Variants in BIRC6 observed in about 807,000 individuals in gnomAD.
BIRC6 encodes the protein dual E2 ubiquitin-conjugating enzyme/E3 ubiquitin-protein ligase BIRC6.
BIRC6 carries 98 observed loss-of-function variants against 503.3 expected under a neutral mutation model. The observed-to-expected ratio is 0.19, with a 90% CI of 0.17 to 0.23. The LOEUF is 0.23. Among genes scored for constraint, BIRC6 ranks in the 10% least tolerant of loss-of-function variants. BIRC6 has a pLI of 1.00. For synonymous variants in BIRC6, 2,240 were observed against 2,078.7 expected (o/e 1.08, Z -2.11); for missense variants, 5,360 against 5,806.0 (o/e 0.92, Z 2.50).
intron 53 of BIRC6, among the ~76,000 whole-genome samples, chr2:32,512,047 C>G (rs1270738296): frequency 6.6e-6 from 1 of 152,016 alleles, no homozygotes; most frequent in Non-Finnish European, 1.5e-5. Flanking sequence ...AAGCTTAATT[C>G]ATTTTCTCTG....
At chr2:32,603,799 TATC>T (rs1479108473) in intron 71 of BIRC6, among the ~76,000 whole-genome samples, 1 of 151,898 alleles carries the variant, frequency 6.6e-6, no homozygotes, top group Non-Finnish European at 1.5e-5. Context: ...ACTCTGAAAA[TATC>T]AACAAATTGA....
rs138985008 is a variant in BIRC6, at chr2:32,364,989, T to G, written c.325+7503T>G. On this transcript the variant is annotated intron_variant, in intron 1 of 73. Transcript: ENST00000421745. ...CTACTCTCAACTATTCTTTGAGAGATAAACATGATATAGAATTCGGATCTC... is the reference window on the plus strand; with the variant it reads ...CTACTCTCAACTATTCTTTGAGAGAGAAACATGATATAGAATTCGGATCTC... Among the ~76,000 whole-genome samples the G allele has an allele frequency of 7.4e-3, 1,128 of 152,350 alleles. 8 individuals carry two copies. Among genetic ancestry groups the G allele is most frequent in the Admixed American group, 0.013 (203 of 15,288 alleles).
intron 9 of BIRC6, among the ~76,000 whole-genome samples, chr2:32,411,043 AT>A (rs908781680): frequency 7.0e-6 from 1 of 141,872 alleles, no homozygotes; most frequent in Non-Finnish European, 1.5e-5. Flanking sequence ...CCTTGAGTTC[AT>A]TTTTTTTCTT....
intron 45 of BIRC6, among the ~76,000 whole-genome samples, chr2:32,498,698 A>ATGCT (rs1209176946): frequency 2.6e-5 from 4 of 151,880 alleles, no homozygotes; most frequent in Non-Finnish European, 5.9e-5. Flanking sequence ...TGCAATTCTC[A>ATGCT]TGCTTCAGCC....
intron 39 of BIRC6, 65 bp downstream of exon 39, chr2:32,482,647 C>T (rs1315759910): frequency 6.4e-7 from 1 of 1,558,912 alleles, no homozygotes; most frequent in Non-Finnish European, 8.7e-7. Context: ...TTTATGTATA[C>T]TTTGTCCCTT....
chr2:32,598,484 A>G (rs1488973147), intron 69 of BIRC6, among the ~76,000 whole-genome samples: 1 of 152,058 alleles, frequency 6.6e-6, no homozygotes, highest in Non-Finnish European at 1.5e-5. Context: ...TTTTTTTTAA[A>G]TTCCTAACAT....
At chr2:32,429,089 T>A in intron 10 of BIRC6, 57 bp from the exon 11 acceptor site, 2 of 1,403,458 alleles carry the variant, frequency 1.4e-6, no homozygotes, top group Non-Finnish European at 1.9e-6. Flanking sequence ...GTATTACATT[T>A]GAATATTTGA....
At chr2:32,513,198 T>A in intron 54 of BIRC6, 44 bp downstream of exon 54, 1 of 1,446,536 alleles carries the variant, frequency 6.9e-7, no homozygotes, top group African/African-American at 1.4e-5. Context: ...CAGTACTAGA[T>A]CAGTTAGTGT....
At chr2:32,443,838 A>G (rs976798555) in intron 20 of BIRC6, among the ~76,000 whole-genome samples, 5 of 152,202 alleles carry the variant, frequency 3.3e-5, no homozygotes, top group African/African-American at 9.7e-5. Context: ...ATTTTTCTGT[A>G]CTTCATTACA....
At chr2:32,560,084 A>C (rs2059060700) in intron 65 of BIRC6, among the ~76,000 whole-genome samples, 1 of 152,358 alleles carries the variant, frequency 6.6e-6, no homozygotes, top group Admixed American at 6.5e-5. Context: ...AGACATAGGC[A>C]TAGATTGTCA....
intron 61 of BIRC6, among the ~76,000 whole-genome samples, chr2:32,536,794 T>A (rs540698686): frequency 1.5e-4 from 23 of 152,242 alleles, no homozygotes; most frequent in African/African-American, 5.3e-4. Context: ...TGCGGGCTCT[T>A]TTTTGGTTCC....
At chr2:32,441,234 C>T in intron 16 of BIRC6, 95 bp from the exon 17 acceptor site, 1 of 920,078 alleles carries the variant, frequency 1.1e-6, no homozygotes, top group Non-Finnish European at 1.6e-6. Context: ...TTGATGGCCA[C>T]AATTCAGTTA....
intron 15 of BIRC6, among the ~76,000 whole-genome samples, chr2:32,438,435 A>C (rs939620190): frequency 6.6e-6 from 1 of 152,176 alleles, no homozygotes; most frequent in African/African-American, 2.4e-5. Context: ...CAATAGACTG[A>C]TAGTTTGCTG....
Position 32,439,502 on chromosome 2 carries a change from C to G in BIRC6, c.3632-6C>G, listed in dbSNP as rs1282151602. On this transcript the variant is annotated splice_polypyrimidine_tract_variant and splice_region_variant and intron_variant, in intron 15 of 73. Transcript: ENST00000421745. ...TTATTTTCCCCATTCTACTCCACTT[C>G]TCTAGGTATGGCAGGAGGAAAATAT... 9 of 1,611,528 alleles carry G rather than the reference C, an allele frequency of 5.6e-6. No homozygotes were observed. Among genetic ancestry groups the G allele is most frequent in the Non-Finnish European group, 7.6e-6 (9 of 1,178,552 alleles).
At position 32,468,579 on chromosome 2, in the gene BIRC6, C is replaced by G. The variant is rs1394551558; in HGVS notation, c.5923C>G (p.Gln1975Glu). ...AGACAGTAGGGTTTTTTCTGCTTAT[C>G]AAGATTGTATTCAGCTACAGCTTCA... ...EEDSRVFSAY[Q>E]DCIQLQLQLN... Residue 1975 changes from glutamine (Q) to glutamate (E), a missense_variant, in exon 29 of 74, where the codon CAA (glutamine) becomes GAA (glutamate). Around this residue, in one of 16 missense-constraint regions of BIRC6, gnomAD observed 2,299 missense variants for 2,267.2 expected, o/e 1.01. Coordinates refer to ENST00000421745, the MANE Select transcript of BIRC6 (RefSeq NM_016252.4). The G allele has an allele frequency of 2.5e-6, 4 of 1,613,946 alleles. No homozygotes were observed. Among genetic ancestry groups the G allele is most frequent in the Non-Finnish European group, 3.4e-6 (4 of 1,179,862 alleles).
At chr2:32,583,754 A>G (rs2060844084) in intron 66 of BIRC6, among the ~76,000 whole-genome samples, 4 of 152,058 alleles carry the variant, frequency 2.6e-5, no homozygotes, top group Admixed American at 2.6e-4. Flanking sequence ...CCCCTGAGAC[A>G]GTCTCTCACT....
rs757416097 is a variant in BIRC6, at chr2:32,415,692, C to T, written c.2401C>T (p.His801Tyr). ...VNGANISVIQ[H>Y]ESPADVQTPL... ...TGGTGCAAATATTAGTGTAATCCAA[C>T]ATGAATCACCAGCAGATGTACAGAC... is the stretch of plus-strand genomic sequence containing the variant. Residue 801 changes from histidine (H) to tyrosine (Y), a missense_variant, in exon 10 of 74, where the codon CAT (histidine) becomes TAT (tyrosine). Coordinates refer to ENST00000421745, the MANE Select transcript of BIRC6 (RefSeq NM_016252.4). The T allele has an allele frequency of 1.2e-6, 2 of 1,613,888 alleles. No individual in the cohort carries two copies. Among genetic ancestry groups the T allele is most frequent in the Non-Finnish European group, 1.7e-6 (2 of 1,179,870 alleles).
At chr2:32,393,897 C>T (rs1302059923) in intron 5 of BIRC6, among the ~76,000 whole-genome samples, 9 of 151,624 alleles carry the variant, frequency 5.9e-5, no homozygotes, top group Non-Finnish European at 7.4e-5. Context: ...ATTATTCCTT[C>T]GTTATCTTCA....
chr2:32,524,831 AC>A, intron 57 of BIRC6, 56 bp from the exon 58 acceptor site: 2 of 1,129,506 alleles, frequency 1.8e-6, no homozygotes, highest in South Asian at 2.3e-5. Context: ...AACATATATT[AC>A]TTCTCTTCTT....
Sources: gnomAD v4.1 joint callset for allele counts (sites outside exome capture counted in the v4.1 genomes callset) on GRCh38, gnomAD v4.1.1 for gene constraint, gnomAD v4.1.1 regional missense constraint, MANE v1.5 for transcripts, NCBI Gene and HGNC (gene_info 2026-07-23, HGNC 2026-07-21) for gene names.